MTUS1: variants seen among roughly 807,000 people sequenced by gnomAD.
The protein encoded by MTUS1 is microtubule associated scaffold protein 1.
Under a neutral mutation model 120.8 loss-of-function variants are expected in MTUS1, and 109 were observed. The observed-to-expected ratio is 0.90, with a 90% CI of 0.77 to 1.06. MTUS1 has a LOEUF of 1.06. Among genes scored for constraint, MTUS1 ranks in the 50% least tolerant of loss-of-function variants. The pLI, the probability that MTUS1 is intolerant of heterozygous loss-of-function variation, is 0.00. For missense variants in MTUS1, 2,210 were observed against 1,486.3 expected, an observed-to-expected ratio of 1.49 and a Z score of -8.01; for synonymous variants, 737 against 550.5, an observed-to-expected ratio of 1.34 and a Z score of -4.74.
chr8:17,744,320 C>T (rs532661711), intron 2 of MTUS1, among the ~76,000 whole-genome samples: 2 of 152,270 alleles, frequency 1.3e-5, no homozygotes, highest in African/African-American at 4.8e-5. Context: ...AAGGCGGCCA[C>T]GTATGAGATT....
At chr8:17,661,686 GAA>G (rs1170467020) in intron 8 of MTUS1, among the ~76,000 whole-genome samples, 7 of 142,504 alleles carry the variant, frequency 4.9e-5, no homozygotes, top group African/African-American at 1.9e-4. Context: ...TAAGTGAGGT[GAA>G]GAGAGGACAC....
intron 12 of MTUS1, 64 bp from the exon 13 acceptor site, chr8:17,650,026 TC>T: frequency 1.1e-6 from 1 of 884,682 alleles, no homozygotes; most frequent in Admixed American, 1.8e-5. Context: ...ACAGAAAGAA[TC>T]TTTGATTAGA....
At position 17,755,910 on chromosome 8, in the gene MTUS1, T is replaced by C; in HGVS notation, c.-103A>G. 6.8e-7 allele frequency: 1 copy of C among 1,479,204 alleles called. No homozygotes were observed. The highest frequency in any genetic ancestry group is 1.4e-5 in the South Asian group (1 of 70,850). 91.6% of individuals were successfully genotyped at this position (1,479,204 alleles called of 1,614,324 possible). On this transcript the variant is annotated 5_prime_UTR_variant, in exon 2 of 15. Coordinates refer to ENST00000693296, the MANE Select transcript of MTUS1 (RefSeq NM_001363059.2). ...CTGTCTTCTAGGTTTTTCAGCACAG[T>C]TGAAAGGTTTTCAGTCTAAGATGCT...
chr8:17,798,576 C>T (rs748498152), intron 1 of MTUS1, among the ~76,000 whole-genome samples: 2 of 152,192 alleles, frequency 1.3e-5, no homozygotes, highest in African/African-American at 2.4e-5. Context: ...TCCTGATCCG[C>T]CCGCCTTGGC....
At chr8:17,665,897 C>G (rs1810795155) in intron 8 of MTUS1, among the ~76,000 whole-genome samples, 1 of 152,092 alleles carries the variant, frequency 6.6e-6, no homozygotes, top group South Asian at 2.1e-4. Context: ...GTGTGACTCA[C>G]AGGTGGGAAG....
Position 17,646,021 on chromosome 8 carries a change from A to C in MTUS1, c.3718T>G (p.Cys1240Gly). 6.2e-7 allele frequency: 1 copy of C among 1,613,734 alleles called. No individual in the cohort carries two copies. The highest frequency in any genetic ancestry group is 1.1e-5 in the South Asian group (1 of 90,994). Residue 1240 changes from cysteine (C) to glycine (G), a missense_variant, in exon 15 of 15, where the codon TGT becomes GGT. Physicochemically the swap from Cys to Gly is radical, Grantham distance 159. Transcript: ENST00000693296. ...LLWKLHNGDL[C>G]SPKRSPTSSA... ...GATGTGGGGGATCTCTTGGGGCTACACAGGTCCCCATTGTGCAGTTTCCAC... is the reference window on the plus strand; with the variant it reads ...GATGTGGGGGATCTCTTGGGGCTACCCAGGTCCCCATTGTGCAGTTTCCAC...
In MTUS1 at chr8:17,645,073, T is replaced by C. The variant is rs552157341; in HGVS notation, c.*853A>G. On this transcript the variant is annotated 3_prime_UTR_variant, in exon 15 of 15. Coordinates refer to ENST00000693296, the MANE Select transcript of MTUS1 (RefSeq NM_001363059.2). ...TCTTTACACAGTTAGTTAGTTAGTT[T>C]GTTTTTTTATAGAAAAATTAGGGTT... The C allele has an allele frequency of 7.3e-6, 1 of 136,678 alleles. No homozygotes were observed. Among genetic ancestry groups the C allele is most frequent in the African/African-American group, 2.5e-5 (1 of 40,108 alleles). 8.5% of individuals were successfully genotyped at this position (136,678 alleles called of 1,614,324 possible). A position where few individuals can be genotyped will look rare whatever the true frequency, so the allele number is the denominator to read the frequency against.
chr8:17,781,274 A>C (rs79496955), intron 1 of MTUS1, among the ~76,000 whole-genome samples: 3,034 of 152,292 alleles, frequency 0.02, 93 homozygotes, highest in African/African-American at 0.069. Context: ...TTCCAATCAA[A>C]GTTTCTTCCA....
At chr8:17,707,442 G>T (rs1820398456) in intron 6 of MTUS1, among the ~76,000 whole-genome samples, 1 of 152,016 alleles carries the variant, frequency 6.6e-6, no homozygotes. Context: ...AGAAGAACCT[G>T]GGAAAGTCAT....
intron 1 of MTUS1, among the ~76,000 whole-genome samples, chr8:17,792,453 G>C (rs530502235): frequency 6.6e-6 from 1 of 152,176 alleles, no homozygotes; most frequent in Non-Finnish European, 1.5e-5. Context: ...TTTTCTCATA[G>C]AAACAGAAAT....
At chr8:17,661,737 C>T (rs1231227166) in intron 8 of MTUS1, among the ~76,000 whole-genome samples, 1 of 151,660 alleles carries the variant, frequency 6.6e-6, no homozygotes, top group African/African-American at 2.4e-5. Flanking sequence ...GAAAATGGGT[C>T]AGATGGGGGA....
intron 7 of MTUS1, among the ~76,000 whole-genome samples, chr8:17,681,964 C>G (rs1814613268): frequency 6.6e-6 from 1 of 152,076 alleles, no homozygotes; most frequent in Non-Finnish European, 1.5e-5. Context: ...ATTTTACATC[C>G]TTTGTTTTCA....
At chr8:17,781,286 C>T (rs78896573) in intron 1 of MTUS1, among the ~76,000 whole-genome samples, 1 of 152,198 alleles carries the variant, frequency 6.6e-6, no homozygotes, top group African/African-American at 2.4e-5. Context: ...TTTCTTCCAG[C>T]CCATATGACT....
intron 6 of MTUS1, among the ~76,000 whole-genome samples, chr8:17,710,231 G>T (rs1821021106): frequency 6.6e-6 from 1 of 152,120 alleles, no homozygotes; most frequent in South Asian, 2.1e-4. Flanking sequence ...ACTCTTTCAT[G>T]AAAGATTTCT....
chr8:17,723,898 G>A, intron 3 of MTUS1, 65 bp from the exon 4 acceptor site: 2 of 1,373,446 alleles, frequency 1.5e-6, no homozygotes, highest in South Asian at 1.5e-5. Flanking sequence ...CACTTTTTAA[G>A]CCTGTAAACT....
intron 6 of MTUS1, among the ~76,000 whole-genome samples, chr8:17,705,468 A>ATT (rs1819971823): frequency 1.3e-5 from 2 of 152,256 alleles, no homozygotes; most frequent in Non-Finnish European, 2.9e-5. Flanking sequence ...CTCCTGCTAA[A>ATT]AAGGTAGTCA....
chr8:17,748,507 T>C (rs898842247), intron 2 of MTUS1, among the ~76,000 whole-genome samples: 11 of 152,116 alleles, frequency 7.2e-5, no homozygotes, highest in African/African-American at 2.4e-4. Context: ...CCCCACACAG[T>C]GAGGCAAAGG....
intron 3 of MTUS1, among the ~76,000 whole-genome samples, chr8:17,741,443 C>T (rs2047311240): frequency 1.3e-5 from 2 of 152,296 alleles, no homozygotes; most frequent in Admixed American, 1.3e-4. Context: ...CAGAAAACCA[C>T]CCAGTAAAAC....
Position 17,646,017 on chromosome 8 carries a change from C to T in MTUS1, c.3722G>A (p.Ser1241Asn), listed in dbSNP as rs899902305. Residue 1241 changes from serine to asparagine, a missense_variant, in exon 15 of 15, where the codon AGC becomes AAC. Physicochemically the swap from Ser to Asn is conservative, Grantham distance 46 (BLOSUM62 1). Transcript: ENST00000693296. ...GGAGGATGTGGGGGATCTCTTGGGGCTACACAGGTCCCCATTGTGCAGTTT... is the reference window on the plus strand; with the variant it reads ...GGAGGATGTGGGGGATCTCTTGGGGTTACACAGGTCCCCATTGTGCAGTTT... Reference protein sequence around the residue: ...LWKLHNGDLCSPKRSPTSSAI... With the variant: ...LWKLHNGDLCNPKRSPTSSAI... The T allele has an allele frequency of 1.9e-6, 3 of 1,613,668 alleles. No individual in the cohort carries two copies. The African/African-American group carries it at 4.0e-5, about 22-fold the overall frequency.
Sources: gnomAD v4.1 joint callset for allele counts (sites outside exome capture counted in the v4.1 genomes callset) on GRCh38, gnomAD v4.1.1 for gene constraint, MANE v1.5 for transcripts, NCBI Gene and HGNC (gene_info 2026-07-23, HGNC 2026-07-21) for gene names.